Variants in NFATC2 observed in about 807,000 individuals in gnomAD.
The protein encoded by NFATC2 is nuclear factor of activated T cells 2.
A neutral mutation model predicts 87.3 loss-of-function variants in NFATC2; 22 were observed. That is an observed-to-expected ratio of 0.25 (90% CI 0.18 to 0.36). The LOEUF (loss-of-function observed/expected upper bound fraction) is 0.36, where lower values mean the gene tolerates loss of function less well. Among genes scored for constraint, NFATC2 ranks in the 10% least tolerant of loss-of-function variants. The probability of loss-of-function intolerance (pLI) is 1.00; values close to 1 mark genes in which losing one functional copy is unlikely to be tolerated. For synonymous variants in NFATC2, 565 were observed against 542.2 expected (o/e 1.04, Z -0.58); for missense variants, 1,149 against 1,259.1 (o/e 0.91, Z 1.32).
intron 5 of NFATC2, among the ~76,000 whole-genome samples, chr20:51,473,479 T>C (rs1988426735): frequency 6.6e-6 from 1 of 152,176 alleles, no homozygotes; most frequent in South Asian, 2.1e-4. Context: ...ATCTGTGAAA[T>C]GGGCACACTG....
At chr20:51,395,847 TCTC>T (rs1190301925) in intron 10 of NFATC2, among the ~76,000 whole-genome samples, 2 of 151,628 alleles carry the variant, frequency 1.3e-5, no homozygotes, top group Admixed American at 6.6e-5. Context: ...TCAACAAACT[TCTC>T]CTGGAAAGGG....
At chr20:51,440,995 T>C (rs1568980915) in intron 6 of NFATC2, among the ~76,000 whole-genome samples, 3 of 152,190 alleles carry the variant, frequency 2.0e-5, no homozygotes, top group South Asian at 4.1e-4. Context: ...AAACAAATGC[T>C]GATGGGGCCA....
chr20:51,497,998 C>G (rs1284430518), intron 3 of NFATC2, among the ~76,000 whole-genome samples: 1 of 152,198 alleles, frequency 6.6e-6, no homozygotes, highest in African/African-American at 2.4e-5. Flanking sequence ...ATAAGGTTTT[C>G]TTTTTTTCCT....
intron 9 of NFATC2, among the ~76,000 whole-genome samples, chr20:51,428,598 A>T (rs534865570): frequency 6.6e-6 from 1 of 152,158 alleles, no homozygotes; most frequent in Non-Finnish European, 1.5e-5. Context: ...CCCAGACGCG[A>T]CGCTGGGATC....
chr20:51,520,913 C>G (rs889852762), intron 2 of NFATC2, among the ~76,000 whole-genome samples: 1 of 152,134 alleles, frequency 6.6e-6, no homozygotes, highest in Non-Finnish European at 1.5e-5. Context: ...CCCGCCTCTG[C>G]CTTCCAAAGT....
chr20:51,491,955 G>A (rs925759524), intron 3 of NFATC2, among the ~76,000 whole-genome samples: 2 of 145,002 alleles, frequency 1.4e-5, no homozygotes, highest in African/African-American at 5.2e-5. Context: ...GAAAGCTTAT[G>A]AGGACCCTGC....
chr20:51,431,091 T>C (rs963106787), intron 9 of NFATC2, among the ~76,000 whole-genome samples: 2 of 152,220 alleles, frequency 1.3e-5, no homozygotes, highest in Non-Finnish European at 2.9e-5. Context: ...ATTCTCTATA[T>C]GTGCTTATTT....
chr20:51,464,011 A>C (rs1162615777), intron 5 of NFATC2, among the ~76,000 whole-genome samples: 1 of 151,966 alleles, frequency 6.6e-6, no homozygotes, highest in Non-Finnish European at 1.5e-5. Flanking sequence ...CCACTCACTC[A>C]TCAGGTGGCC....
chr20:51,477,202 A>G (rs1988789484), intron 3 of NFATC2, among the ~76,000 whole-genome samples: 1 of 152,174 alleles, frequency 6.6e-6, no homozygotes, highest in African/African-American at 2.4e-5. Context: ...ATAGTAAGGT[A>G]GAAGCCTATG....
chr20:51,427,770 C>A (rs569369059), intron 9 of NFATC2, among the ~76,000 whole-genome samples: 36 of 152,178 alleles, frequency 2.4e-4, no homozygotes, highest in Non-Finnish European at 4.7e-4. Flanking sequence ...TCAGAGTGGC[C>A]TTTCTGTACA....
At chr20:51,518,158 T>C (rs16996062) in intron 2 of NFATC2, among the ~76,000 whole-genome samples, 11,428 of 152,324 alleles carry the variant, frequency 0.075, 647 homozygotes, top group African/African-American at 0.16. Flanking sequence ...ATGAAGCTTA[T>C]GTTAGTTCTA....
At chr20:51,455,783 G>A (rs1350495748) in intron 5 of NFATC2, among the ~76,000 whole-genome samples, 1 of 45,212 alleles carries the variant, frequency 2.2e-5, no homozygotes, top group African/African-American at 1.1e-4. Context: ...TGGATGGATG[G>A]ATGGATGAGT....
chr20:51,403,896 G>A (rs1988302033), intron 9 of NFATC2, among the ~76,000 whole-genome samples: 1 of 152,184 alleles, frequency 6.6e-6, no homozygotes, highest in African/African-American at 2.4e-5. Flanking sequence ...GACTGACACA[G>A]TCCCCAAAGT....
At chr20:51,532,918 G>A (rs1160657061) in intron 1 of NFATC2, among the ~76,000 whole-genome samples, 1 of 152,196 alleles carries the variant, frequency 6.6e-6, no homozygotes. Flanking sequence ...TGGCCTGGGG[G>A]CTGGATGCCC....
At chr20:51,534,073 T>C (rs2076680026) in intron 1 of NFATC2, among the ~76,000 whole-genome samples, 1 of 152,216 alleles carries the variant, frequency 6.6e-6, no homozygotes. Context: ...CCGCAAGCTT[T>C]CACGTGTACG....
rs143985938 is a variant in NFATC2, at chr20:51,419,303, A to G, written c.2722+12764T>C. ...ACTGGGTAATATAAATATAAAAACT[A>G]TACTTCCCAGCCTCCTCTGTGGCTC... On this transcript the variant is annotated intron_variant, in intron 9 of 10. Coordinates refer to ENST00000371564, the MANE Select transcript of NFATC2 (RefSeq NM_012340.5). 3.1e-3 allele frequency among the ~76,000 whole-genome samples: 478 copies of G among 152,328 alleles called. 4 individuals carry two copies. The highest frequency in any genetic ancestry group is 0.01 in the African/African-American group (429 of 41,560).
rs529346485 is a variant in NFATC2, at chr20:51,447,068, G to A, written c.1849+7480C>T. 2.9e-4 allele frequency among the ~76,000 whole-genome samples: 38 copies of A among 130,918 alleles called. 1 individual carries two copies. The highest frequency in any genetic ancestry group is 1.9e-3 in the South Asian group (7 of 3,610). The allele number at this position is 130,918 out of a possible 152,430, so 85.9% of individuals were successfully genotyped here. ...CGATTGTTCCAGGGCACAAATTCAC[G>A]GAAAAATACTTAATTTAGAAAAAAA... On this transcript the variant is annotated intron_variant, in intron 6 of 10. Transcript: ENST00000371564.
intron 3 of NFATC2, among the ~76,000 whole-genome samples, chr20:51,477,044 C>T (rs1004145177): frequency 3.3e-5 from 5 of 152,204 alleles, no homozygotes; most frequent in Admixed American, 1.3e-4. Context: ...CCTCTCCATA[C>T]GCAGCCTGGA....
intron 2 of NFATC2, among the ~76,000 whole-genome samples, chr20:51,522,587 TA>T (rs1211934764): frequency 2.0e-5 from 3 of 151,338 alleles, no homozygotes; most frequent in African/African-American, 7.3e-5. Flanking sequence ...TTTTTTTTTT[TA>T]GGTCCTCCAT....
Sources: gnomAD v4.1 joint callset for allele counts (sites outside exome capture counted in the v4.1 genomes callset) on GRCh38, gnomAD v4.1.1 for gene constraint, MANE v1.5 for transcripts, NCBI Gene and HGNC (gene_info 2026-07-23, HGNC 2026-07-21) for gene names.